Variants in SRR observed in about 807,000 individuals in gnomAD.
SRR encodes the protein D-serine ammonia-lyase.
SRR carries 19 observed loss-of-function variants against 32.7 expected under a neutral mutation model. The observed-to-expected ratio is 0.58, with a 90% CI of 0.40 to 0.85. The LOEUF (loss-of-function observed/expected upper bound fraction) is 0.85. Ranked by LOEUF, SRR falls within the 40% of genes least tolerant of loss-of-function variation. The pLI is 0.00. For missense variants in SRR, 373 were observed against 404.7 expected (o/e 0.92, Z 0.67); for synonymous variants, 142 against 140.9 (o/e 1.01, Z -0.06).
Position 2,323,156 on chromosome 17 carries a change from G to A in SRR, c.615G>A (p.Lys205=). Residue 205 remains lysine, a synonymous_variant, in exon 7 of 8, where the codon AAG becomes AAA. Coordinates refer to ENST00000344595, the MANE Select transcript of SRR (RefSeq NM_021947.3). ...CCCAGGCTCTGAAACCTAGTGTGAA[G>A]GTATATGCTGCTGAACCCTCAAATG... is the stretch of plus-strand genomic sequence containing the variant. ...ITVKALKPSV[K]VYAAEPSNAD... The A allele has an allele frequency of 6.2e-7, 1 of 1,614,198 alleles. No individual in the cohort carries two copies. The highest frequency in any genetic ancestry group is 8.5e-7 in the Non-Finnish European group (1 of 1,180,048).
chr17:2,317,783 G>GTTA (rs1265820796), intron 2 of SRR, 87 bp from the exon 3 acceptor site: 1 of 1,410,944 alleles, frequency 7.1e-7, no homozygotes. Context: ...GGATGTGCAT[G>GTTA]TTAAGGATAG....
At chr17:2,314,385 T>C (rs1261675296) in intron 1 of SRR, among the ~76,000 whole-genome samples, 3 of 151,812 alleles carry the variant, frequency 2.0e-5, no homozygotes, top group African/African-American at 7.3e-5. Flanking sequence ...AGATTGAGAC[T>C]ATCCTGGCTA....
upstream of SRR, chr17:2,303,702 G>A: frequency 2.0e-6 from 3 of 1,493,734 alleles, no homozygotes; most frequent in Non-Finnish European, 2.7e-6. Context: ...ATCCGCACAC[G>A]CTCCAGCCCT....
chr17:2,307,126 G>C, intron 1 of SRR: 2 of 1,161,466 alleles, frequency 1.7e-6, no homozygotes, highest in Non-Finnish European at 2.5e-6. Context: ...TCACCTAAGT[G>C]ATTATTTTGA....
At chr17:2,304,774 A>G (rs2075371236) in intron 1 of SRR, among the ~76,000 whole-genome samples, 1 of 152,040 alleles carries the variant, frequency 6.6e-6, no homozygotes, top group Non-Finnish European at 1.5e-5. Context: ...AAAAAAAAAA[A>G]GTCAATTTGG....
Position 2,323,358 on chromosome 17 carries a change from CAAG to C in SRR, c.804+16_804+18del. 6.2e-7 allele frequency: 1 copy of C among 1,613,610 alleles called. No homozygotes were observed. Among genetic ancestry groups the C allele is most frequent in the Non-Finnish European group, 8.5e-7 (1 of 1,179,656 alleles). Reference sequence around the variant, plus strand: ...GGATGAAATTAAGGTGAGGCTCCAGCAAGAAAAGAAATAGCAAAGCATGGTGTA... The same window carrying C: ...GGATGAAATTAAGGTGAGGCTCCAGCAAAAGAAATAGCAAAGCATGGTGTA... On this transcript the variant is annotated intron_variant, in intron 7 of 7. Coordinates refer to ENST00000344595, the MANE Select transcript of SRR (RefSeq NM_021947.3).
rs1335242916 is a variant in SRR, at chr17:2,318,105, CTCTA to C, written c.295+113_295+116del. The C allele has an allele frequency of 5.3e-5, 67 of 1,264,418 alleles. No homozygotes were observed. The East Asian group carries it at 8.5e-4, about 16-fold the overall frequency. 78.3% of individuals were successfully genotyped at this position (1,264,418 alleles called of 1,614,324 possible). A position where few individuals can be genotyped will look rare whatever the true frequency, so the allele number is the denominator to read the frequency against. On this transcript the variant is annotated intron_variant, in intron 3 of 7. Transcript: ENST00000344595. ...GTGGGAAGTAACTTTCCAAAGAAATCTCTATCTGATTGCAAGCAATATGAACATA... is the reference window on the plus strand; with the variant it reads ...GTGGGAAGTAACTTTCCAAAGAAATCTCTGATTGCAAGCAATATGAACATA...
chr17:2,323,596 T>C lies in SRR; in HGVS notation c.805-59T>C, dbSNP rs890484087. On this transcript the variant is annotated intron_variant, in intron 7 of 7. Coordinates refer to ENST00000344595, the MANE Select transcript of SRR (RefSeq NM_021947.3). ...TGGACACGTATTCTCATCTGAACTT[T>C]ATAGGTAAACCAACTAGACTCCCCT... 6.3e-5 allele frequency: 99 copies of C among 1,561,796 alleles called. No individual in the cohort carries two copies. The Middle Eastern group carries it at 1.1e-3, about 18-fold the overall frequency.
At chr17:2,308,406 A>G (rs143563976) in intron 1 of SRR, among the ~76,000 whole-genome samples, 59 of 152,334 alleles carry the variant, frequency 3.9e-4, no homozygotes, top group African/African-American at 1.4e-3. Context: ...GCAAAAAATA[A>G]TTTTTAAAAA....
intron 1 of SRR, among the ~76,000 whole-genome samples, chr17:2,305,446 A>G (rs574907224): frequency 6.6e-6 from 1 of 152,326 alleles, no homozygotes; most frequent in East Asian, 1.9e-4. Context: ...GGTAATAGAT[A>G]AAAACTGAGA....
At chr17:2,322,328 C>A (rs969828555) in intron 6 of SRR, among the ~76,000 whole-genome samples, 2 of 152,164 alleles carry the variant, frequency 1.3e-5, no homozygotes. Context: ...AAGCTACTAT[C>A]CATACCAAGG....
rs369802725 is a variant in SRR, at chr17:2,313,744, C to CA, written c.-4-1803dup. On this transcript the variant is annotated intron_variant, in intron 1 of 7. Coordinates refer to ENST00000344595, the MANE Select transcript of SRR (RefSeq NM_021947.3). Reference sequence around the variant, plus strand: ...GTGAAACTCCATCTCAAAAAAACAACAAAAAAAAAATGTTGATAAATGTAC... The same window carrying CA: ...GTGAAACTCCATCTCAAAAAAACAACAAAAAAAAAAATGTTGATAAATGTAC... Among the ~76,000 whole-genome samples the CA allele has an allele frequency of 8.4e-3, 1,231 of 146,808 alleles. 17 individuals carry two copies. Among genetic ancestry groups the CA allele is most frequent in the African/African-American group, 0.028 (1,132 of 40,110 alleles).
chr17:2,306,436 G>A (rs1190204837), intron 1 of SRR, among the ~76,000 whole-genome samples: 1 of 151,930 alleles, frequency 6.6e-6, no homozygotes, highest in Admixed American at 6.6e-5. Flanking sequence ...ACAATTTTAG[G>A]CCAGGCCCCG....
intron 1 of SRR, among the ~76,000 whole-genome samples, chr17:2,308,129 T>A (rs2075406851): frequency 6.6e-6 from 1 of 151,738 alleles, no homozygotes; most frequent in Non-Finnish European, 1.5e-5. Flanking sequence ...AATCTTGGAT[T>A]ATTTAGAAAT....
Position 2,324,903 on chromosome 17 carries a change from A to C in SRR, c.*1030A>C. The stretch of plus-strand genomic sequence containing the variant: ...CTTCATTTATTGCCCAGTCCATTTA[A>C]AGACCCATGCAAGAGCCTGGTTTGT... On this transcript the variant is annotated 3_prime_UTR_variant, in exon 8 of 8. Transcript: ENST00000344595. 1 of 1,516,692 alleles carries C rather than the reference A, an allele frequency of 6.6e-7. No individual in the cohort carries two copies. The highest frequency in any genetic ancestry group is 8.8e-7 in the Non-Finnish European group (1 of 1,137,806). 94.0% of individuals were successfully genotyped at this position (1,516,692 alleles called of 1,614,324 possible). A position where few individuals can be genotyped will look rare whatever the true frequency, so the allele number is the denominator to read the frequency against.
chr17:2,318,489 G>A (rs1226273841), intron 3 of SRR, among the ~76,000 whole-genome samples: 1 of 140,958 alleles, frequency 7.1e-6, no homozygotes, highest in African/African-American at 2.7e-5. Flanking sequence ...TTTTGAGACG[G>A]AGTCTTGCAC....
Position 2,323,635 on chromosome 17 carries a change from A to G in SRR, c.805-20A>G, listed in dbSNP as rs773351524. On this transcript the variant is annotated intron_variant, in intron 7 of 7. Coordinates refer to ENST00000344595, the MANE Select transcript of SRR (RefSeq NM_021947.3). ...CTAGACTCCCCTTTCACTAATTCCT[A>G]CTCCCTTCCATATCAACAGTGTGCA... 6.2e-7 allele frequency: 1 copy of G among 1,611,664 alleles called. No homozygotes were observed. The highest frequency in any genetic ancestry group is 1.7e-5 in the Admixed American group (1 of 59,998).
intron 6 of SRR, among the ~76,000 whole-genome samples, chr17:2,322,326 A>G (rs2075536557): frequency 6.6e-6 from 1 of 152,152 alleles, no homozygotes; most frequent in Non-Finnish European, 1.5e-5. Context: ...TCAAGCTACT[A>G]TCCATACCAA....
rs1432010525 is a variant in SRR at position 2,321,557 on chromosome 17, G to A, written c.535G>A (p.Ala179Thr). Reference protein sequence around the residue: ...EVLNQVPLVDALVVPVGGGGM... With the variant: ...EVLNQVPLVDTLVVPVGGGGM... Reference sequence around the variant, plus strand: ...TTCACTAAAGGTTCCTTTGGTGGATGCACTGGTGGTACCTGTAGGTGGAGG... The same window carrying A: ...TTCACTAAAGGTTCCTTTGGTGGATACACTGGTGGTACCTGTAGGTGGAGG... Residue 179 changes from alanine (A) to threonine (T), a missense_variant, in exon 6 of 8, where the codon GCA (alanine) becomes ACA (threonine). Transcript: ENST00000344595. The A allele has an allele frequency of 1.8e-5, 29 of 1,613,976 alleles. No homozygotes were observed. The highest frequency in any genetic ancestry group is 2.4e-5 in the Non-Finnish European group (28 of 1,179,990).
Sources: allele counts gnomAD v4.1 joint callset (sites outside exome capture counted in the v4.1 genomes callset), GRCh38; gene constraint gnomAD v4.1.1; transcripts MANE v1.5; gene names NCBI Gene and HGNC (gene_info 2026-07-23, HGNC 2026-07-21).